ALK: variants seen among roughly 807,000 people sequenced by gnomAD.
ALK encodes the protein ALK receptor tyrosine kinase.
In ALK, 74 loss-of-function variants were observed where a neutral mutation model predicts 163.1. That is an observed-to-expected ratio of 0.45 (90% CI 0.38 to 0.55). The LOEUF (loss-of-function observed/expected upper bound fraction) is 0.55. Ranked by LOEUF, ALK falls within the 20% of genes least tolerant of loss-of-function variation. The pLI is 0.00. For missense variants in ALK, 2,063 were observed against 2,105.3 expected (o/e 0.98, Z 0.39); for synonymous variants, 960 against 843.2 (o/e 1.14, Z -2.40).
chr2:29,822,233 G>A (rs1665068437), intron 1 of ALK, among the ~76,000 whole-genome samples: 1 of 152,150 alleles, frequency 6.6e-6, no homozygotes, highest in Non-Finnish European at 1.5e-5. Context: ...TATCTAACGA[G>A]GAGATCTGAA....
At chr2:29,775,509 T>A (rs781080999) in intron 1 of ALK, among the ~76,000 whole-genome samples, 5 of 150,152 alleles carry the variant, frequency 3.3e-5, no homozygotes, top group Non-Finnish European at 7.4e-5. Context: ...TTCCACCATG[T>A]AGGATCGGAG....
rs1422927505 is a variant in ALK, at chr2:29,481,858, A to T, written c.1154+50057T>A. ...GAAAGAGGGTCAAGGTGATATTTAA[A>T]ACTCAGCAACAGAATGACTTTCTGT... On this transcript the variant is annotated intron_variant, in intron 4 of 28. Transcript: ENST00000389048. Among the ~76,000 whole-genome samples, 5 of 152,144 alleles carry T rather than the reference A, an allele frequency of 3.3e-5. No homozygotes were observed. The South Asian group carries it at 1.0e-3, about 32-fold the overall frequency.
chr2:29,697,043 C>T (rs1415671720), intron 2 of ALK, among the ~76,000 whole-genome samples: 1 of 151,792 alleles, frequency 6.6e-6, no homozygotes, highest in Non-Finnish European at 1.5e-5. Context: ...ATATGTTCTG[C>T]GCTTGTATCC....
At chr2:29,811,902 A>G (rs1049312726) in intron 1 of ALK, among the ~76,000 whole-genome samples, 4 of 152,214 alleles carry the variant, frequency 2.6e-5, no homozygotes, top group African/African-American at 9.6e-5. Context: ...AAGGTGGCAA[A>G]GCTATGGCAC....
intron 5 of ALK, among the ~76,000 whole-genome samples, chr2:29,331,629 C>T (rs17007904): frequency 0.15 from 22,594 of 152,152 alleles, 1,829 homozygotes; most frequent in African/African-American, 0.2. Context: ...GGTGCTGGTC[C>T]CACGGAAGGT....
chr2:29,767,159 T>C (rs1285772270), intron 1 of ALK, among the ~76,000 whole-genome samples: 1 of 152,256 alleles, frequency 6.6e-6, no homozygotes, highest in Non-Finnish European at 1.5e-5. Flanking sequence ...AATTTTTACT[T>C]TTCATTTGAT....
chr2:29,327,852 G>A (rs1158211091), intron 6 of ALK, among the ~76,000 whole-genome samples: 5 of 152,162 alleles, frequency 3.3e-5, no homozygotes, highest in Admixed American at 6.5e-5. Context: ...TGAAAGAATC[G>A]ACTCAGGGCG....
intron 9 of ALK, among the ~76,000 whole-genome samples, chr2:29,280,071 G>A (rs749795440): frequency 1.3e-5 from 2 of 152,180 alleles, no homozygotes; most frequent in Non-Finnish European, 2.9e-5. Context: ...CTCTGGGACT[G>A]AGCAAGAGTC....
chr2:29,336,245 C>T (rs758595919), intron 5 of ALK, among the ~76,000 whole-genome samples: 29 of 152,172 alleles, frequency 1.9e-4, no homozygotes, highest in Non-Finnish European at 2.6e-4. Context: ...ATGTCCTGTT[C>T]TGGGCAGTAG....
chr2:29,825,443 T>C (rs1046774808), intron 1 of ALK, among the ~76,000 whole-genome samples: 1 of 152,192 alleles, frequency 6.6e-6, no homozygotes, highest in Non-Finnish European at 1.5e-5. Context: ...GAAGTAAATA[T>C]ATATCACAGT....
chr2:29,503,494 G>T (rs1160574101), intron 4 of ALK, among the ~76,000 whole-genome samples: 1 of 152,178 alleles, frequency 6.6e-6, no homozygotes, highest in African/African-American at 2.4e-5. Context: ...ATATGAAAAA[G>T]CATCATTACA....
At chr2:29,628,329 A>T (rs1410639807) in intron 3 of ALK, among the ~76,000 whole-genome samples, 1 of 152,192 alleles carries the variant, frequency 6.6e-6, no homozygotes, top group African/African-American at 2.4e-5. Flanking sequence ...TAATCTTAAC[A>T]CATTCAGGAT....
At chr2:29,351,141 A>G (rs896622733) in intron 5 of ALK, among the ~76,000 whole-genome samples, 1 of 152,252 alleles carries the variant, frequency 6.6e-6, no homozygotes, top group Non-Finnish European at 1.5e-5. Flanking sequence ...AGTGTTGGGA[A>G]ACACTGAGTT....
chr2:29,507,029 A>G (rs1460682009), intron 4 of ALK, among the ~76,000 whole-genome samples: 1 of 152,244 alleles, frequency 6.6e-6, no homozygotes, highest in African/African-American at 2.4e-5. Context: ...CTAGGTATAT[A>G]TCCAAGAAAA....
At chr2:29,362,483 T>TGTGTCCACAGTTAA (rs1668409522) in intron 5 of ALK, among the ~76,000 whole-genome samples, 1 of 152,090 alleles carries the variant, frequency 6.6e-6, no homozygotes, top group South Asian at 2.1e-4. Flanking sequence ...CTAAGAGGGG[T>TGTGTCCACAGTTAA]GTGTCCACAG....
At chr2:29,858,843 A>G (rs1265569320) in intron 1 of ALK, among the ~76,000 whole-genome samples, 1 of 152,172 alleles carries the variant, frequency 6.6e-6, no homozygotes, top group Admixed American at 6.5e-5. Flanking sequence ...ATTCGAGACC[A>G]GCCTGGCCAA....
At chr2:29,624,687 A>G (rs1221609556) in intron 3 of ALK, among the ~76,000 whole-genome samples, 1 of 152,196 alleles carries the variant, frequency 6.6e-6, no homozygotes, top group East Asian at 1.9e-4. Context: ...GCAAACCACC[A>G]TGGCACACAT....
intron 8 of ALK, among the ~76,000 whole-genome samples, chr2:29,310,218 T>A (rs1666659069): frequency 6.6e-6 from 1 of 152,210 alleles, no homozygotes; most frequent in South Asian, 2.1e-4. Context: ...GTTTGAATCA[T>A]GACTCTGCCT....
intron 1 of ALK, among the ~76,000 whole-genome samples, chr2:29,846,749 T>C (rs1160307727): frequency 6.6e-6 from 1 of 152,238 alleles, no homozygotes; most frequent in Non-Finnish European, 1.5e-5. Flanking sequence ...ACTATTATCA[T>C]ATTAGCCACA....
Sources: allele counts gnomAD v4.1 joint callset (sites outside exome capture counted in the v4.1 genomes callset), GRCh38; gene constraint gnomAD v4.1.1; transcripts MANE v1.5; gene names NCBI Gene and HGNC (gene_info 2026-07-23, HGNC 2026-07-21).